Variants in RASSF4 observed in about 807,000 individuals in gnomAD.
RASSF4 encodes the protein Ras association domain family member 4.
RASSF4 carries 38 observed loss-of-function variants against 41.1 expected under a neutral mutation model. That is an observed-to-expected ratio of 0.92 (90% CI 0.71 to 1.21). The LOEUF (loss-of-function observed/expected upper bound fraction) is 1.21, where lower values mean the gene tolerates loss of function less well. Among genes scored for constraint, RASSF4 ranks in the 50% most tolerant of loss-of-function variants. The probability of loss-of-function intolerance (pLI) is 0.00; values close to 1 mark genes in which losing one functional copy is unlikely to be tolerated. For missense variants in RASSF4, 414 were observed against 419.4 expected (o/e 0.99, Z 0.11); for synonymous variants, 179 against 163.4 (o/e 1.10, Z -0.73).
chr10:44,971,515 C>T (rs968510056), intron 2 of RASSF4: 7 of 647,552 alleles, frequency 1.1e-5, no homozygotes, highest in Non-Finnish European at 1.7e-5. Flanking sequence ...CCCTGGACAT[C>T]CTGGACCAGA....
At chr10:44,960,027 G>A (rs966601917) in intron 1 of RASSF4, among the ~76,000 whole-genome samples, 161 bp downstream of exon 1, 1 of 152,236 alleles carries the variant, frequency 6.6e-6, no homozygotes, top group Admixed American at 6.5e-5. Context: ...GCGGGCCTCG[G>A]GCTCATTGCT....
At chr10:44,982,719 A>C in intron 4 of RASSF4, 56 bp downstream of exon 4, 1 of 1,576,774 alleles carries the variant, frequency 6.3e-7, no homozygotes, top group African/African-American at 1.4e-5. Flanking sequence ...CGGGTTGGGG[A>C]TATCCCGAGC....
intron 3 of RASSF4, chr10:44,976,352 T>C (rs1216336578): frequency 6.6e-6 from 1 of 152,172 alleles, no homozygotes; most frequent in Non-Finnish European, 1.5e-5. Context: ...ATTTAACAAA[T>C]CCAAAGCAAT....
chr10:44,991,186 A>T (rs544208402), intron 9 of RASSF4, 117 bp downstream of exon 9: 1 of 985,792 alleles, frequency 1.0e-6, no homozygotes, highest in South Asian at 2.3e-5. Flanking sequence ...GGAGCTCCAC[A>T]CTCTCCCAAA....
chr10:44,984,920 C>G lies in RASSF4; in HGVS notation c.481C>G (p.Arg161Gly). The G allele has an allele frequency of 6.2e-7, 1 of 1,613,218 alleles. No homozygotes were observed. ...GTGCCGCGCCCCCGGTGAGGCCCAG[C>G]GCATCCGGCGACACCGGTTCTCTAT... ...PKCRAPGEAQ[R>G]IRRHRFSING... The change falls in exon 6 of 11, where the codon CGC (arginine) becomes GGC (glycine). Residue 161 changes from arginine (R) to glycine (G), a missense_variant. By Grantham distance (125) the Arg-to-Gly change is moderately radical. Coordinates refer to ENST00000340258, the MANE Select transcript of RASSF4 (RefSeq NM_032023.4).
At chr10:44,974,465 C>G (rs887220701) in intron 3 of RASSF4, among the ~76,000 whole-genome samples, 10 of 152,248 alleles carry the variant, frequency 6.6e-5, no homozygotes, top group Admixed American at 6.5e-4. Context: ...ACAGCAATAC[C>G]GTTTCCATTA....
Position 44,977,750 on chromosome 10 carries a change from G to C in RASSF4, c.139-4771G>C, listed in dbSNP as rs145465141. The C allele has an allele frequency of 5.6e-6, 9 of 1,601,916 alleles. No individual in the cohort carries two copies. In the African/African-American group the frequency reaches 6.7e-5, roughly 12 times the overall value. On this transcript the variant is annotated intron_variant, in intron 3 of 10. Transcript: ENST00000340258. ...CACAGTATCAGCCATGGGCAGTGTG[G>C]GCTGCTGGCCACTGAAACGTGCGGT...
At chr10:44,965,064 T>C (rs778069413) in intron 1 of RASSF4, among the ~76,000 whole-genome samples, 16 of 152,176 alleles carry the variant, frequency 1.1e-4, no homozygotes, top group Non-Finnish European at 1.8e-4. Flanking sequence ...AAAGTTTCAC[T>C]AAAAATCACA....
chr10:44,989,063 T>C (rs540919635), intron 6 of RASSF4, among the ~76,000 whole-genome samples: 1 of 152,332 alleles, frequency 6.6e-6, no homozygotes, highest in South Asian at 2.1e-4. Context: ...TGTAGACATC[T>C]TCCTTAGGCC....
intron 4 of RASSF4, chr10:44,983,085 C>T: frequency 2.4e-6 from 1 of 420,516 alleles, no homozygotes; most frequent in South Asian, 1.8e-5. Context: ...CAGAATTTCA[C>T]ATTACATTTG....
At chr10:44,978,309 T>G in intron 3 of RASSF4, 1 of 390,642 alleles carries the variant, frequency 2.6e-6, no homozygotes, top group Non-Finnish European at 4.6e-6. Context: ...TAACAAACAC[T>G]GGTCAGAGGA....
chr10:44,976,170 G>T (rs1052992771), intron 3 of RASSF4: 5 of 152,152 alleles, frequency 3.3e-5, no homozygotes, highest in Non-Finnish European at 1.5e-5. Context: ...CATAAATGCA[G>T]CTCCAAGTTC....
In RASSF4 at chr10:44,971,205, G is replaced by C. The variant is rs531029293; in HGVS notation, c.63-568G>C. ...TCCTCCAACATTAGCCAGGGCTGTG[G>C]CTTTCCCTTCGGGAAGGGAGACAGC... On this transcript the variant is annotated intron_variant, in intron 2 of 10. Transcript: ENST00000340258. The C allele has an allele frequency of 2.1e-4, 68 of 328,066 alleles. No individual in the cohort carries two copies. In the East Asian group the frequency reaches 5.0e-3, roughly 24 times the overall value. 20.3% of individuals were successfully genotyped at this position (328,066 alleles called of 1,614,324 possible).
At chr10:44,977,630 C>T (rs1564458724) in intron 3 of RASSF4, 2 of 1,612,992 alleles carry the variant, frequency 1.2e-6, no homozygotes, top group South Asian at 1.1e-5. Flanking sequence ...TCTATGTGGA[C>T]CCCAGAGGCC....
chr10:44,987,193 C>T (rs911112505), intron 6 of RASSF4, among the ~76,000 whole-genome samples: 8 of 152,178 alleles, frequency 5.3e-5, no homozygotes, highest in African/African-American at 1.9e-4. Flanking sequence ...CAACCTCCAC[C>T]TCCTAGGTTC....
Position 44,971,904 on chromosome 10 carries a change from G to C in RASSF4, c.138+56G>C, listed in dbSNP as rs922959811. On this transcript the variant is annotated intron_variant, in intron 3 of 10. Transcript: ENST00000340258. ...CCATGTACCCTGGGAGGCCCTGCCT[G>C]ATACCTGTTGTTTCAGGGTAATGAT... 1.0e-5 allele frequency: 13 copies of C among 1,242,330 alleles called. No individual in the cohort carries two copies. The African/African-American group carries it at 1.2e-4, about 11-fold the overall frequency. The allele number at this position is 1,242,330 out of a possible 1,614,324, so 77.0% of individuals were successfully genotyped here.
intron 6 of RASSF4, 67 bp from the exon 7 acceptor site, chr10:44,989,207 A>G (rs1301806659): frequency 2.0e-6 from 2 of 985,070 alleles, no homozygotes. Context: ...TGGTCTGTTC[A>G]CCGTTGTGAT....
At chr10:44,989,088 AC>A (rs1490478681) in intron 6 of RASSF4, among the ~76,000 whole-genome samples, 185 bp from the exon 7 acceptor site, 1 of 152,184 alleles carries the variant, frequency 6.6e-6, no homozygotes, top group Non-Finnish European at 1.5e-5. Flanking sequence ...GAAGGAGTGC[AC>A]TACTACAGCT....
At chr10:44,960,721 T>A (rs192383159) in intron 1 of RASSF4, among the ~76,000 whole-genome samples, 1 of 152,288 alleles carries the variant, frequency 6.6e-6, no homozygotes, top group Non-Finnish European at 1.5e-5. Context: ...CCATTTCACA[T>A]AGGAATTAAA....
Sources: allele counts gnomAD v4.1 joint callset (sites outside exome capture counted in the v4.1 genomes callset), GRCh38; gene constraint gnomAD v4.1.1; transcripts MANE v1.5; gene names NCBI Gene and HGNC (gene_info 2026-07-23, HGNC 2026-07-21).